Variants in EIF2A observed in about 807,000 individuals in gnomAD.
EIF2A encodes the protein eukaryotic translation initiation factor 2A, also known as 65 kDa eukaryotic translation initiation factor 2A.
Under a neutral mutation model 75.2 loss-of-function variants are expected in EIF2A, and 62 were observed. The ratio of observed to expected loss-of-function variants is 0.82; its 90% CI spans 0.67 to 1.02. The LOEUF (loss-of-function observed/expected upper bound fraction) is 1.02. Ranked by LOEUF, EIF2A falls within the 50% of genes least tolerant of loss-of-function variation. The pLI is 0.00. For synonymous variants in EIF2A, 207 were observed against 239.0 expected (o/e 0.87, Z 1.23); for missense variants, 611 against 677.7 (o/e 0.90, Z 1.09).
At chr3:150,555,415 C>T (rs1476204246) in intron 2 of EIF2A, among the ~76,000 whole-genome samples, 1 of 152,020 alleles carries the variant, frequency 6.6e-6, no homozygotes, top group African/African-American at 2.4e-5. Context: ...TGCTACCACA[C>T]CTGGCTAAAT....
chr3:150,560,433 A>C (rs2107918964), intron 3 of EIF2A, among the ~76,000 whole-genome samples: 1 of 152,348 alleles, frequency 6.6e-6, no homozygotes, highest in East Asian at 1.9e-4. Context: ...AACTAAGAAT[A>C]ACTCTTAAAG....
intron 11 of EIF2A, among the ~76,000 whole-genome samples, chr3:150,580,990 C>T (rs761846075): frequency 1.3e-5 from 2 of 152,128 alleles, no homozygotes; most frequent in African/African-American, 2.4e-5. Context: ...CGCTTGGTTA[C>T]TGAAACCATG....
At position 150,584,373 on chromosome 3, in the gene EIF2A, A is replaced by G. The variant is rs7638500; in HGVS notation, c.*462A>G. Reference sequence around the variant, plus strand: ...TCTCTATTTTATAAATGAAAAAACTAAGGCCATAAATTTAAGAAATTTGTC... The same window carrying G: ...TCTCTATTTTATAAATGAAAAAACTGAGGCCATAAATTTAAGAAATTTGTC... On this transcript the variant is annotated 3_prime_UTR_variant, in exon 14 of 14. Coordinates refer to ENST00000460851, the MANE Select transcript of EIF2A (RefSeq NM_032025.5). 0.69 allele frequency: 104,921 copies of G among 152,398 alleles called. 36,593 individuals are homozygous for G. The highest frequency in any genetic ancestry group is 0.91 in the East Asian group (4,723 of 5,196). The allele number at this position is 152,398 out of a possible 1,614,324, so 9.4% of individuals were successfully genotyped here. A position where few individuals can be genotyped will look rare whatever the true frequency, so the allele number is the denominator to read the frequency against.
intron 1 of EIF2A, chr3:150,547,068 A>G: frequency 1.7e-6 from 1 of 575,572 alleles, no homozygotes; most frequent in South Asian, 2.1e-5. Flanking sequence ...CTGCGGATTC[A>G]TCTTCTACAG....
chr3:150,573,347 G>A (rs943564500), intron 10 of EIF2A, among the ~76,000 whole-genome samples: 11 of 152,180 alleles, frequency 7.2e-5, no homozygotes, highest in African/African-American at 2.7e-4. Flanking sequence ...CCACCTCCCG[G>A]GTTCAAGCAA....
chr3:150,576,374 G>GCA (rs1724868996), intron 11 of EIF2A, among the ~76,000 whole-genome samples: 1 of 152,080 alleles, frequency 6.6e-6, no homozygotes, highest in South Asian at 2.1e-4. Flanking sequence ...GGTTGAGGCT[G>GCA]CAGTGAGCTG....
intron 1 of EIF2A, 159 bp downstream of exon 1, chr3:150,546,989 A>G (rs1723067220): frequency 1.1e-6 from 1 of 944,250 alleles, no homozygotes; most frequent in South Asian, 1.6e-5. Context: ...TAGCGTGGCA[A>G]TCGGAAGTGA....
At chr3:150,578,291 TTAA>T (rs1401192877) in intron 11 of EIF2A, among the ~76,000 whole-genome samples, 1 of 148,508 alleles carries the variant, frequency 6.7e-6, no homozygotes, top group Admixed American at 6.7e-5. Flanking sequence ...ATTATAATTA[TTAA>T]TAATTATAAC....
intron 3 of EIF2A, 93 bp from the exon 4 acceptor site, chr3:150,562,449 G>T: frequency 1.1e-6 from 1 of 939,136 alleles, no homozygotes; most frequent in Non-Finnish European, 1.6e-6. Flanking sequence ...ATTTTGGAGT[G>T]ATCTGTATTT....
intron 6 of EIF2A, chr3:150,566,980 A>C (rs1200127343): frequency 6.6e-6 from 1 of 152,176 alleles, no homozygotes. Context: ...TTTGAGGCGC[A>C]CTGTCACCTC....
At position 150,567,715 on chromosome 3, in the gene EIF2A, T is replaced by C. The variant is rs1287576176; in HGVS notation, c.498T>C (p.His166=). ...TAGACACAATTGCAAATAAATTGCA[T>C]TTGCAAAAAATTAATGATTTTGTAT... ...NNFNTIANKL[H]LQKINDFVLS... is the part of the protein sequence containing the mutation. Residue 166 remains histidine, a synonymous_variant, in exon 7 of 14, where the codon CAT becomes CAC. Coordinates refer to ENST00000460851, the MANE Select transcript of EIF2A (RefSeq NM_032025.5). The C allele has an allele frequency of 1.3e-6, 2 of 1,549,060 alleles. No homozygotes were observed. The highest frequency in any genetic ancestry group is 2.4e-5 in the South Asian group (2 of 83,146).
chr3:150,559,196 T>C (rs889213012), intron 3 of EIF2A, among the ~76,000 whole-genome samples: 1 of 152,228 alleles, frequency 6.6e-6, no homozygotes, highest in Non-Finnish European at 1.5e-5. Flanking sequence ...CATTGTTCTT[T>C]ACAATGGTAA....
rs1330687223 is a variant in EIF2A at position 150,572,301 on chromosome 3, T to C, written c.1155T>C (p.Asn385=). ...GTGCTCCCAGGTTACGGGTTAATAA[T>C]GGATACAAAATTTGGCATTATACTG... ...ATCAPRLRVN[N]GYKIWHYTGS... is the part of the protein sequence containing the mutation. The change falls in exon 10 of 14, where the codon AAT becomes AAC. Residue 385 remains asparagine, a synonymous_variant. Transcript: ENST00000460851. The C allele has an allele frequency of 6.2e-7, 1 of 1,613,960 alleles. No homozygotes were observed. The highest frequency in any genetic ancestry group is 8.5e-7 in the Non-Finnish European group (1 of 1,179,854).
intron 11 of EIF2A, among the ~76,000 whole-genome samples, chr3:150,576,162 C>A: frequency 6.6e-6 from 1 of 152,088 alleles, no homozygotes; most frequent in East Asian, 1.9e-4. Context: ...TTGACTGTGA[C>A]CAGGTGTGGT....
intron 2 of EIF2A, 67 bp from the exon 3 acceptor site, chr3:150,558,321 A>G (rs1723672443): frequency 7.5e-7 from 1 of 1,336,378 alleles, no homozygotes. Flanking sequence ...GGTTGACTTT[A>G]TAATCAGATT....
chr3:150,563,591 C>T lies in EIF2A; in HGVS notation c.369C>T (p.Phe123=), dbSNP rs1045451590. 2.4e-5 allele frequency: 37 copies of T among 1,533,076 alleles called. No individual in the cohort carries two copies. The highest frequency in any genetic ancestry group is 2.9e-5 in the Non-Finnish European group (33 of 1,141,998). The allele number at this position is 1,533,076 out of a possible 1,614,324, so 95.0% of individuals were successfully genotyped here. Residue 123 remains phenylalanine (F), a synonymous_variant, in exon 5 of 14, where the codon TTC becomes TTT. Transcript: ENST00000460851. ...DVKTGTCLKS[F]IQKKMQNWCP... ...AAACTGGGACATGTTTGAAATCTTT[C>T]ATCCAGAAAAAAATGCAAAATTGGT...
At position 150,581,664 on chromosome 3, in the gene EIF2A, C is replaced by T. The variant is rs1297681028; in HGVS notation, c.1544C>T (p.Pro515Leu). 6.4e-7 allele frequency: 1 copy of T among 1,552,090 alleles called. No homozygotes were observed. The highest frequency in any genetic ancestry group is 8.7e-7 in the Non-Finnish European group (1 of 1,147,182). The stretch of plus-strand genomic sequence containing the variant: ...CCAGATTTGGCACCTACTCCTGCCC[C>T]ACAGAGCACACCACGAAACACTGTC... Reference protein sequence around the residue: ...KSPDLAPTPAPQSTPRNTVSQ... With the variant: ...KSPDLAPTPALQSTPRNTVSQ... The change falls in exon 12 of 14, where the codon CCA becomes CTA. Residue 515 changes from proline to leucine, a missense_variant. Transcript: ENST00000460851.
chr3:150,582,055 C>T (rs1468599896), intron 12 of EIF2A, among the ~76,000 whole-genome samples: 1 of 151,896 alleles, frequency 6.6e-6, no homozygotes, highest in Non-Finnish European at 1.5e-5. Flanking sequence ...GGCCGGAGTA[C>T]AGTGCCACAA....
At chr3:150,565,977 T>A (rs1427034675) in intron 6 of EIF2A, 2 of 152,030 alleles carry the variant, frequency 1.3e-5, no homozygotes, top group Non-Finnish European at 2.9e-5. Flanking sequence ...GTATTTTTAG[T>A]AGAGATGGGG....
Sources: allele counts gnomAD v4.1 joint callset (sites outside exome capture counted in the v4.1 genomes callset), GRCh38; gene constraint gnomAD v4.1.1; transcripts MANE v1.5; gene names NCBI Gene and HGNC (gene_info 2026-07-23, HGNC 2026-07-21).